MACROD2: variants seen among roughly 807,000 people sequenced by gnomAD.
MACROD2 encodes ADP-ribose glycohydrolase MACROD2.
In MACROD2, 36 loss-of-function variants were observed where a neutral mutation model predicts 70.4. That is an observed-to-expected ratio of 0.51 (90% CI 0.39 to 0.68). The LOEUF is 0.68. Among genes scored for constraint, MACROD2 ranks in the 30% least tolerant of loss-of-function variants. The probability of loss-of-function intolerance (pLI) is 0.00; values close to 1 mark genes in which losing one functional copy is unlikely to be tolerated. For missense variants in MACROD2, 496 were observed against 538.4 expected (o/e 0.92, Z 0.78); for synonymous variants, 172 against 178.8 (o/e 0.96, Z 0.30).
intron 5 of MACROD2, among the ~76,000 whole-genome samples, chr20:14,945,114 CT>C (rs903589353): frequency 2.7e-5 from 4 of 148,946 alleles, no homozygotes; most frequent in African/African-American, 7.4e-5. Flanking sequence ...TTCTTTCTTT[CT>C]TTTTTTTTTC....
At chr20:14,187,714 T>C (rs1367889482) in intron 3 of MACROD2, among the ~76,000 whole-genome samples, 1 of 152,216 alleles carries the variant, frequency 6.6e-6, no homozygotes, top group African/African-American at 2.4e-5. Context: ...TCAAGTTAAC[T>C]TTGTAAGGAC....
intron 2 of MACROD2, among the ~76,000 whole-genome samples, chr20:14,033,072 A>G (rs1413985932): frequency 1.4e-5 from 2 of 145,354 alleles, no homozygotes; most frequent in African/African-American, 5.2e-5. Context: ...ATTTCTTCAG[A>G]AGCTTGGTTT....
intron 5 of MACROD2, among the ~76,000 whole-genome samples, chr20:15,095,507 G>A (rs1267487012): frequency 1.3e-5 from 2 of 151,574 alleles, no homozygotes; most frequent in East Asian, 2.0e-4. Context: ...TTTGTTTTGT[G>A]TTTTTTGTTT....
At chr20:14,381,589 A>T (rs1405493014) in intron 3 of MACROD2, among the ~76,000 whole-genome samples, 1 of 152,206 alleles carries the variant, frequency 6.6e-6, no homozygotes, top group African/African-American at 2.4e-5. Flanking sequence ...ATTATTTATC[A>T]CTTACAAGGA....
chr20:16,044,783 CA>C (rs2067357632), intron 17 of MACROD2, 144 bp downstream of exon 17: 2 of 713,756 alleles, frequency 2.8e-6, no homozygotes, highest in Admixed American at 2.4e-5. Context: ...AACCAAATAA[CA>C]CAGCGTAAGG....
intron 5 of MACROD2, among the ~76,000 whole-genome samples, chr20:14,891,531 C>A (rs929768427): frequency 5.3e-5 from 8 of 152,050 alleles, no homozygotes; most frequent in Non-Finnish European, 5.9e-5. Flanking sequence ...ATCTTTTGTG[C>A]CCAGCCATGT....
chr20:15,345,611 G>A (rs967812108), intron 6 of MACROD2, among the ~76,000 whole-genome samples: 4 of 152,216 alleles, frequency 2.6e-5, no homozygotes, highest in South Asian at 2.1e-4. Context: ...CAATATGGTA[G>A]CCACTGGAAA....
At chr20:14,383,664 A>G (rs926902010) in intron 3 of MACROD2, among the ~76,000 whole-genome samples, 2 of 152,198 alleles carry the variant, frequency 1.3e-5, no homozygotes, top group Non-Finnish European at 2.9e-5. Flanking sequence ...AATGTTCATG[A>G]AATATTACAA....
At chr20:15,036,874 A>G (rs2075317168) in intron 5 of MACROD2, among the ~76,000 whole-genome samples, 1 of 151,882 alleles carries the variant, frequency 6.6e-6, no homozygotes, top group African/African-American at 2.4e-5. Flanking sequence ...AGTTACAAAG[A>G]TAATTATAAA....
intron 15 of MACROD2, among the ~76,000 whole-genome samples, chr20:16,018,310 A>G (rs2066957001): frequency 1.3e-5 from 2 of 152,076 alleles, no homozygotes; most frequent in Non-Finnish European, 2.9e-5. Flanking sequence ...CTAGAAATTT[A>G]CAAGGCCTTT....
At chr20:15,824,291 G>C (rs1267957124) in intron 8 of MACROD2, among the ~76,000 whole-genome samples, 1 of 152,018 alleles carries the variant, frequency 6.6e-6, no homozygotes. Context: ...ATGTGAATGT[G>C]TGTGTTATTT....
intron 3 of MACROD2, among the ~76,000 whole-genome samples, chr20:14,292,405 CAGA>C (rs934534015): frequency 6.6e-6 from 1 of 151,814 alleles, no homozygotes; most frequent in Non-Finnish European, 1.5e-5. Context: ...TGAACATATG[CAGA>C]AGAACTTTTC....
At chr20:14,106,670 G>A (rs968048498) in intron 3 of MACROD2, among the ~76,000 whole-genome samples, 2 of 152,274 alleles carry the variant, frequency 1.3e-5, no homozygotes, top group East Asian at 3.9e-4. Context: ...TTGTCCCAGT[G>A]GTGGTGGTCA....
chr20:14,076,289 T>C (rs889975514), intron 2 of MACROD2, among the ~76,000 whole-genome samples: 1 of 152,166 alleles, frequency 6.6e-6, no homozygotes, highest in African/African-American at 2.4e-5. Flanking sequence ...TAGAGATTAA[T>C]GAACTCTTAT....
At chr20:15,865,913 C>T (rs572062250) in intron 9 of MACROD2, among the ~76,000 whole-genome samples, 1 of 152,280 alleles carries the variant, frequency 6.6e-6, no homozygotes, top group South Asian at 2.1e-4. Context: ...AAAGAAAACA[C>T]TCAGGAAGCA....
At chr20:15,099,135 T>G (rs1472422046) in intron 5 of MACROD2, among the ~76,000 whole-genome samples, 2 of 152,180 alleles carry the variant, frequency 1.3e-5, no homozygotes, top group African/African-American at 2.4e-5. Context: ...AGTTTAGTGC[T>G]TAGAAGCCCC....
intron 5 of MACROD2, among the ~76,000 whole-genome samples, chr20:15,058,842 G>C (rs1238841834): frequency 6.6e-6 from 1 of 152,164 alleles, no homozygotes. Flanking sequence ...ACCTACATGT[G>C]AGAGAGTGTT....
At chr20:15,472,118 A>G (rs762247832) in intron 7 of MACROD2, among the ~76,000 whole-genome samples, 4 of 152,198 alleles carry the variant, frequency 2.6e-5, no homozygotes, top group Non-Finnish European at 4.4e-5. Flanking sequence ...TCCTTAAAGT[A>G]TATACCAACA....
chr20:14,473,549 T>C (rs548670213), intron 3 of MACROD2, among the ~76,000 whole-genome samples: 4 of 152,342 alleles, frequency 2.6e-5, no homozygotes, highest in Middle Eastern at 3.4e-3. Context: ...TGTTCATATG[T>C]TGATAGACAC....
Sources: gnomAD v4.1 joint callset for allele counts (sites outside exome capture counted in the v4.1 genomes callset) on GRCh38, gnomAD v4.1.1 for gene constraint, MANE v1.5 for transcripts, NCBI Gene and HGNC (gene_info 2026-07-23, HGNC 2026-07-21) for gene names.